GDAP1L1: variants seen among roughly 807,000 people sequenced by gnomAD.
The protein encoded by GDAP1L1 is ganglioside induced differentiation associated protein 1 like 1, also known as ganglioside-induced differentiation-associated protein 1-like 1.
A neutral mutation model predicts 37.1 loss-of-function variants in GDAP1L1; 21 were observed. The ratio of observed to expected loss-of-function variants is 0.57; its 90% CI spans 0.40 to 0.81. GDAP1L1 has a LOEUF of 0.81. Ranked by LOEUF, GDAP1L1 falls within the 40% of genes least tolerant of loss-of-function variation. GDAP1L1 has a pLI of 0.00. For synonymous variants in GDAP1L1, 193 were observed against 209.1 expected (o/e 0.92, Z 0.67); for missense variants, 362 against 491.6 (o/e 0.74, Z 2.49).
intron 1 of GDAP1L1, among the ~76,000 whole-genome samples, chr20:44,255,339 C>A (rs1185323396): frequency 6.6e-6 from 1 of 151,826 alleles, no homozygotes; most frequent in Non-Finnish European, 1.5e-5. Flanking sequence ...GTCAGGAGTT[C>A]AAGACCAGCC....
intron 3 of GDAP1L1, among the ~76,000 whole-genome samples, chr20:44,261,148 G>A (rs1476383094): frequency 6.6e-6 from 1 of 152,206 alleles, no homozygotes; most frequent in Non-Finnish European, 1.5e-5. Context: ...CAGCCCAGCT[G>A]GGGGATGAGA....
chr20:44,263,756 A>G (rs529599575), intron 4 of GDAP1L1, among the ~76,000 whole-genome samples: 2 of 152,308 alleles, frequency 1.3e-5, no homozygotes, highest in Non-Finnish European at 1.5e-5. Flanking sequence ...AGGCAAGGAA[A>G]TTGCCTGAAC....
chr20:44,268,462 G>A (rs1166612625), intron 5 of GDAP1L1, among the ~76,000 whole-genome samples: 1 of 152,070 alleles, frequency 6.6e-6, no homozygotes, highest in African/African-American at 2.4e-5. Flanking sequence ...AGGTCCTAGG[G>A]ATAAACTAAT....
chr20:44,276,412 A>AAAAGAAAGAAAGAAAGAAAGAAAGCAAG (rs2062576916), intron 5 of GDAP1L1, among the ~76,000 whole-genome samples: 1 of 113,308 alleles, frequency 8.8e-6, no homozygotes, highest in Non-Finnish European at 1.8e-5. Context: ...AGAAAAAAGA[A>AAAAGAAAGAAAGAAAGAAAGAAAGCAAG]AAAGAAAGAA....
At chr20:44,250,804 T>TG (rs1246882672) in intron 1 of GDAP1L1, among the ~76,000 whole-genome samples, 1 of 152,120 alleles carries the variant, frequency 6.6e-6, no homozygotes, top group African/African-American at 2.4e-5. Flanking sequence ...TCCTCCTTTG[T>TG]GGGGAAGAAT....
Position 44,264,555 on chromosome 20 carries a change from C to T in GDAP1L1, c.756C>T (p.Asn252=), listed in dbSNP as rs748119581. ...EAELEKRKLE[N]EGQKCELWLC... is the part of the protein sequence containing the mutation. ...AGCTGGAGAAGAGGAAGCTGGAGAA[C>T]GAGGGTGGGTGCCAGCCCTGGGGGA... is the stretch of plus-strand genomic sequence containing the variant. Residue 252 remains asparagine, a synonymous_variant, in exon 5 of 6, where the codon AAC becomes AAT. Transcript: ENST00000342560. 9.9e-6 allele frequency: 16 copies of T among 1,609,972 alleles called. No homozygotes were observed. The highest frequency in any genetic ancestry group is 4.5e-5 in the East Asian group (2 of 44,726).
chr20:44,258,315 G>C, intron 2 of GDAP1L1, 119 bp from the exon 3 acceptor site: 1 of 986,216 alleles, frequency 1.0e-6, no homozygotes, highest in Non-Finnish European at 1.6e-6. Flanking sequence ...CCAAGCCCGA[G>C]CATGGGGGTG....
At chr20:44,273,122 C>G (rs1277778516) in intron 5 of GDAP1L1, among the ~76,000 whole-genome samples, 2 of 152,148 alleles carry the variant, frequency 1.3e-5, no homozygotes, top group Admixed American at 6.5e-5. Context: ...ACCAGATGGC[C>G]TAAGTTCAAA....
chr20:44,273,253 A>C (rs2062538848), intron 5 of GDAP1L1, among the ~76,000 whole-genome samples: 6 of 152,300 alleles, frequency 3.9e-5, no homozygotes, highest in Admixed American at 3.3e-4. Context: ...AGTTGTTGGA[A>C]GATCCAGGGA....
chr20:44,248,409 C>T (rs2073375801), intron 1 of GDAP1L1, among the ~76,000 whole-genome samples: 1 of 152,276 alleles, frequency 6.6e-6, no homozygotes, highest in Admixed American at 6.5e-5. Flanking sequence ...ACTGCCTGAC[C>T]TTCTGACTCC....
intron 3 of GDAP1L1, among the ~76,000 whole-genome samples, chr20:44,258,840 G>A (rs985497088): frequency 2.6e-5 from 4 of 151,526 alleles, no homozygotes; most frequent in African/African-American, 9.7e-5. Context: ...CCTCTTGCTT[G>A]CCATCCCCTT....
chr20:44,279,367 C>A lies in GDAP1L1; in HGVS notation c.*67C>A. ...TGCTGTGTGATTCCCCGTGAGCTCT[C>A]AGTAACTCACTGTCTCATGAACACT... On this transcript the variant is annotated 3_prime_UTR_variant, in exon 6 of 6. Transcript: ENST00000342560. 1.0e-6 allele frequency: 1 copy of A among 996,290 alleles called. No homozygotes were observed. The highest frequency in any genetic ancestry group is 1.4e-5 in the South Asian group (1 of 69,902). 61.7% of individuals were successfully genotyped at this position (996,290 alleles called of 1,614,324 possible). A position where few individuals can be genotyped will look rare whatever the true frequency, so the allele number is the denominator to read the frequency against.
intron 3 of GDAP1L1, among the ~76,000 whole-genome samples, chr20:44,260,171 T>C (rs771967260): frequency 6.6e-6 from 1 of 151,856 alleles, no homozygotes; most frequent in African/African-American, 2.4e-5. Context: ...GGGAACTGGG[T>C]AAATAAGTTA....
At chr20:44,255,611 T>C (rs1217054806) in intron 1 of GDAP1L1, among the ~76,000 whole-genome samples, 1 of 130,706 alleles carries the variant, frequency 7.7e-6, no homozygotes, top group Non-Finnish European at 1.6e-5. Context: ...AGCAAATAAG[T>C]GTAAAGCTGG....
At chr20:44,263,455 A>G in intron 4 of GDAP1L1, 128 bp downstream of exon 4, 1 of 722,562 alleles carries the variant, frequency 1.4e-6, no homozygotes, top group South Asian at 1.7e-5. Flanking sequence ...TGCTTTTCCA[A>G]TCCTGTCCCC....
chr20:44,280,380 C>G lies in GDAP1L1; in HGVS notation c.*1080C>G, dbSNP rs2062628549. The G allele has an allele frequency of 6.5e-6, 1 of 153,674 alleles. No homozygotes were observed. The highest frequency in any genetic ancestry group is 6.5e-5 in the Admixed American group (1 of 15,408). The allele number at this position is 153,674 out of a possible 1,614,324, so 9.5% of individuals were successfully genotyped here. ...ATAAAGCATCCAGGAGGAACAGTTG[C>G]TTTTCATTTCTAAACCTGTGCTGTC... is the stretch of plus-strand genomic sequence containing the variant. On this transcript the variant is annotated 3_prime_UTR_variant, in exon 6 of 6. Transcript: ENST00000342560.
In GDAP1L1 at chr20:44,247,373, C is replaced by A. The variant is rs1427298173; in HGVS notation, c.39C>A (p.Ser13Arg). The A allele has an allele frequency of 6.2e-7, 1 of 1,613,524 alleles. No homozygotes were observed. The highest frequency in any genetic ancestry group is 2.2e-5 in the East Asian group (1 of 44,862). ...ACAATCTGACCCCCACCAACTGCAG[C>A]TGGTGGCCCATCTCCGCGCTGGAGA... Reference protein sequence around the residue: ...TPNNLTPTNCSWWPISALESD... With the variant: ...TPNNLTPTNCRWWPISALESD... The change falls in exon 1 of 6, where the codon AGC becomes AGA. Residue 13 changes from serine (S) to arginine (R), a missense_variant. By Grantham distance (110) the Ser-to-Arg change is moderately radical. Coordinates refer to ENST00000342560, the MANE Select transcript of GDAP1L1 (RefSeq NM_024034.6).
chr20:44,269,208 C>T (rs1316033413), intron 5 of GDAP1L1, among the ~76,000 whole-genome samples: 1 of 152,000 alleles, frequency 6.6e-6, no homozygotes, highest in African/African-American at 2.4e-5. Context: ...TGAACATCTC[C>T]TAGATGCTAG....
chr20:44,264,768 TCA>T, intron 5 of GDAP1L1: 1 of 1,226,686 alleles, frequency 8.2e-7, no homozygotes, highest in Non-Finnish European at 1.1e-6. Flanking sequence ...TCTCTGAAAT[TCA>T]GTTTCCCATC....
Sources: allele counts gnomAD v4.1 joint callset (sites outside exome capture counted in the v4.1 genomes callset), GRCh38; gene constraint gnomAD v4.1.1; transcripts MANE v1.5; gene names NCBI Gene and HGNC (gene_info 2026-07-23, HGNC 2026-07-21).